Variants in TMPRSS7 observed in about 807,000 individuals in gnomAD.
The protein encoded by TMPRSS7 is transmembrane protease serine 7.
A neutral mutation model predicts 95.6 loss-of-function variants in TMPRSS7; 81 were observed. That is an observed-to-expected ratio of 0.85 (90% CI 0.71 to 1.02). The LOEUF (loss-of-function observed/expected upper bound fraction) is 1.02, where lower values mean the gene tolerates loss of function less well. Ranked by LOEUF, TMPRSS7 falls within the 50% of genes least tolerant of loss-of-function variation. TMPRSS7 has a pLI of 0.00. For synonymous variants in TMPRSS7, 364 were observed against 337.8 expected, an observed-to-expected ratio of 1.08 and a Z score of -0.85; for missense variants, 945 against 955.2, an observed-to-expected ratio of 0.99 and a Z score of 0.14.
intron 9 of TMPRSS7, among the ~76,000 whole-genome samples, chr3:112,056,621 G>A (rs1438567019): frequency 6.6e-6 from 1 of 152,058 alleles, no homozygotes; most frequent in African/African-American, 2.4e-5. Flanking sequence ...AATATGAAGA[G>A]GAGGCTGATT....
intron 12 of TMPRSS7, among the ~76,000 whole-genome samples, chr3:112,064,880 A>G (rs2073554986): frequency 6.6e-6 from 1 of 152,204 alleles, no homozygotes; most frequent in Non-Finnish European, 1.5e-5. Context: ...ATGTGACACC[A>G]TTGGCAGCAT....
At chr3:112,049,912 A>C in exon 8 of TMPRSS7, 1 of 1,567,342 alleles carries the variant, frequency 6.4e-7, no homozygotes. Context: ...GTGACATTTA[A>C]GTCTCCTCAT....
chr3:112,062,737 A>G (rs1213428830), intron 11 of TMPRSS7, among the ~76,000 whole-genome samples: 1 of 152,078 alleles, frequency 6.6e-6, no homozygotes, highest in Non-Finnish European at 1.5e-5. Context: ...AACCATAACT[A>G]TTTTCCAGCT....
chr3:112,062,619 ATCT>A (rs1274667636), intron 11 of TMPRSS7, among the ~76,000 whole-genome samples: 1 of 152,140 alleles, frequency 6.6e-6, no homozygotes, highest in African/African-American at 2.4e-5. Context: ...TCCCTAATAG[ATCT>A]TCTTCTAGAT....
intron 4 of TMPRSS7, among the ~76,000 whole-genome samples, chr3:112,044,711 A>C (rs2073255138): frequency 6.6e-6 from 1 of 152,146 alleles, no homozygotes; most frequent in East Asian, 1.9e-4. Context: ...ATGGTCAAAT[A>C]ATTTTTAGAA....
chr3:112,060,271 A>C (rs986845381), intron 10 of TMPRSS7, among the ~76,000 whole-genome samples: 4 of 152,164 alleles, frequency 2.6e-5, no homozygotes, highest in African/African-American at 9.7e-5. Flanking sequence ...TTGCTAATGA[A>C]GTTTCGGGCA....
intron 9 of TMPRSS7, among the ~76,000 whole-genome samples, chr3:112,055,605 T>C (rs1232635972): frequency 1.3e-5 from 2 of 152,132 alleles, no homozygotes; most frequent in Non-Finnish European, 2.9e-5. Flanking sequence ...AAACTGAACT[T>C]TATGTTATTT....
chr3:112,066,530 G>T, intron 13 of TMPRSS7, 28 bp downstream of exon 13: 1 of 1,595,538 alleles, frequency 6.3e-7, no homozygotes, highest in South Asian at 1.1e-5. Context: ...GTGCCCTGCT[G>T]TTCCTCCTAT....
At chr3:112,041,893 C>T (rs1441897555) in intron 2 of TMPRSS7, 27 bp from the exon 3 acceptor site, 25 of 1,449,224 alleles carry the variant, frequency 1.7e-5, no homozygotes, top group Admixed American at 3.9e-5. Context: ...GGAAAGCCTC[C>T]GAATCTTGTT....
chr3:112,044,453 G>C (rs2107738537), intron 4 of TMPRSS7, 131 bp downstream of exon 4: 1 of 745,416 alleles, frequency 1.3e-6, no homozygotes, highest in East Asian at 2.7e-5. Flanking sequence ...TACTGTATTA[G>C]CACAACTAGC....
intron 3 of TMPRSS7, 98 bp downstream of exon 3, chr3:112,042,148 GT>G: frequency 2.1e-6 from 2 of 965,474 alleles, no homozygotes; most frequent in Non-Finnish European, 3.2e-6. Context: ...GGTGAGCAGG[GT>G]TTAGGGAAGT....
intron 13 of TMPRSS7, among the ~76,000 whole-genome samples, chr3:112,067,809 T>C (rs2073595144): frequency 6.6e-6 from 1 of 152,248 alleles, no homozygotes; most frequent in East Asian, 1.9e-4. Flanking sequence ...TAGTTTCTTT[T>C]GCCATGCAGA....
chr3:112,080,942 G>A (rs778513781), exon 18 of TMPRSS7: 46 of 1,613,252 alleles, frequency 2.9e-5, no homozygotes, highest in Admixed American at 6.7e-5. Context: ...TTATCTTGTC[G>A]AAGAAAAAGT....
exon 14 of TMPRSS7, chr3:112,074,354 A>G (rs750876841): frequency 1.9e-6 from 3 of 1,614,120 alleles, no homozygotes; most frequent in South Asian, 1.1e-5. Context: ...TTAGGAAACA[A>G]AATGCAAAAT....
chr3:112,064,741 GTGGGGTAACTGGATATTCTTATTT>G (rs1415625276), intron 12 of TMPRSS7, among the ~76,000 whole-genome samples: 1 of 152,184 alleles, frequency 6.6e-6, no homozygotes, highest in African/African-American at 2.4e-5. Flanking sequence ...AGACTAAGGT[GTGGGGTAACTGGATATTCTTATTT>G]TGGGTGGAGA....
chr3:112,051,035 T>C (rs2107743645), intron 9 of TMPRSS7, among the ~76,000 whole-genome samples: 1 of 152,306 alleles, frequency 6.6e-6, no homozygotes, highest in South Asian at 2.1e-4. Flanking sequence ...AAGGCATTAT[T>C]GAAGGTTCAA....
chr3:112,081,084 A>G, exon 18 of TMPRSS7: 6 of 1,595,570 alleles, frequency 3.8e-6, no homozygotes, highest in Non-Finnish European at 5.1e-6. Context: ...CTCTTTTGTA[A>G]TTGTACCAGT....
In TMPRSS7 at chr3:112,038,337, G is replaced by A. The variant is rs763890212; in HGVS notation, c.298+16G>A. ...CTGTATATCAGTAAGTTAAAAATCT[G>A]TGTTTCTTTGGGGTTAGGGCTTATG... On this transcript the variant is annotated intron_variant, in intron 2 of 17. Transcript: ENST00000452346. 3 of 699,152 alleles carry A rather than the reference G, an allele frequency of 4.3e-6. No individual in the cohort carries two copies. The South Asian group carries it at 4.5e-5, about 10-fold the overall frequency. The allele number at this position is 699,152 out of a possible 1,614,324, so 43.3% of individuals were successfully genotyped here. A position where few individuals can be genotyped will look rare whatever the true frequency, so the allele number is the denominator to read the frequency against.
At position 112,036,989 on chromosome 3, in the gene TMPRSS7, G is replaced by A. The variant is rs142499187; in HGVS notation, c.49-1083G>A. ...GTCTTTACTTTAATCTCTTAATCCC[G>A]TCATCTTTGTAAACTGAGGATGTAT... On this transcript the variant is annotated intron_variant, in intron 1 of 17. Transcript: ENST00000452346. Among the ~76,000 whole-genome samples the A allele has an allele frequency of 2.7e-3, 407 of 152,092 alleles. 7 individuals carry two copies. The South Asian group carries it at 0.04, about 15-fold the overall frequency.
Sources: allele counts gnomAD v4.1 joint callset (sites outside exome capture counted in the v4.1 genomes callset), GRCh38; gene constraint gnomAD v4.1.1; transcripts MANE v1.5; gene names NCBI Gene and HGNC (gene_info 2026-07-23, HGNC 2026-07-21).